Variants in CRMP1 observed in about 807,000 individuals in gnomAD.
CRMP1 encodes collapsin response mediator protein 1.
In CRMP1, 19 loss-of-function variants were observed where a neutral mutation model predicts 68.3. The observed-to-expected ratio is 0.28, with a 90% CI of 0.19 to 0.41. The LOEUF is 0.41. Among genes scored for constraint, CRMP1 ranks in the 10% least tolerant of loss-of-function variants. The pLI is 1.00. For synonymous variants in CRMP1, 439 were observed against 399.6 expected (o/e 1.10, Z -1.18); for missense variants, 791 against 967.4 (o/e 0.82, Z 2.42).
rs868711650 is a variant in CRMP1, at chr4:5,864,992, G to A, written c.470+1676C>T. ...GGCAGGGAGGGCTCAACTGTTCTGG[G>A]TATCCCTCTTCACTGGGTGATTTGC... On this transcript the variant is annotated intron_variant, in intron 2 of 13. Transcript: ENST00000324989. Among the ~76,000 whole-genome samples the A allele has an allele frequency of 4.6e-5, 7 of 151,944 alleles. No homozygotes were observed. In the South Asian group the frequency reaches 1.5e-3, roughly 32 times the overall value.
Position 5,889,571 on chromosome 4 carries a change from C to T in CRMP1, c.381+3018G>A, listed in dbSNP as rs2152477677. 3.9e-6 allele frequency: 6 copies of T among 1,535,782 alleles called. No individual in the cohort carries two copies. The highest frequency in any genetic ancestry group is 5.2e-6 in the Non-Finnish European group (6 of 1,146,584). ...GAGGAAAAGGGGGAGCCCCAGCAAG[C>T]CCCAACCTCACTGGACAGGTGCCCC... is the stretch of plus-strand genomic sequence containing the variant. On this transcript the variant is annotated intron_variant, in intron 1 of 13. Coordinates refer to ENST00000324989, the MANE Select transcript of CRMP1 (RefSeq NM_001014809.3). The surrounding 1 kb of genome is among the most constrained non-coding windows in gnomAD (Gnocchi z 4.5).
rs949993947 is a variant in CRMP1, at chr4:5,883,976, C to T, written c.381+8613G>A. Among the ~76,000 whole-genome samples, 1 of 152,148 alleles carries T rather than the reference C, an allele frequency of 6.6e-6. No homozygotes were observed. Among genetic ancestry groups the T allele is most frequent in the African/African-American group, 2.4e-5 (1 of 41,434 alleles). ...AATAATGTTTTCCCTAAAAATGGTC[C>T]ACTTCTTCCTCTCTGATCATGACCT... On this transcript the variant is annotated intron_variant, in intron 1 of 13. Transcript: ENST00000324989. This position sits in a 1 kb window ranked among gnomAD's most constrained non-coding sequence, Gnocchi z 4.5.
At chr4:5,829,364 G>A (rs981979401) in intron 11 of CRMP1, among the ~76,000 whole-genome samples, 4 of 152,160 alleles carry the variant, frequency 2.6e-5, no homozygotes, top group African/African-American at 7.2e-5. Context: ...ACTCCAGCCT[G>A]GGGGACAGAG....
In CRMP1 at chr4:5,866,697, A is replaced by C. The variant is rs765010683; in HGVS notation, c.441T>G (p.Ala147=). ...TAAGTCCATCCTCCAGGTAGACGTC[A>C]GCATAAAGGGATTGGTCATCGTTGA... ...RIINDDQSLY[A]DVYLEDGLIK... is the part of the protein sequence containing the mutation. Residue 147 remains alanine (A), a synonymous_variant, in exon 2 of 14, where the codon GCT becomes GCG. Transcript: ENST00000324989. This position sits in a 1 kb window ranked among gnomAD's most constrained non-coding sequence, Gnocchi z 5.9. 4.3e-5 allele frequency: 69 copies of C among 1,613,014 alleles called. No individual in the cohort carries two copies. Among genetic ancestry groups the C allele is most frequent in the Non-Finnish European group, 5.8e-5 (68 of 1,179,898 alleles).
At position 5,854,909 on chromosome 4, in the gene CRMP1, T is replaced by G. The variant is rs1027504718; in HGVS notation, c.820+1234A>C. ...CACTTCTGGAAATCTAAAGAAAAATTAGAAATGCAAACAAATGTTTATATA... is the reference window on the plus strand; with the variant it reads ...CACTTCTGGAAATCTAAAGAAAAATGAGAAATGCAAACAAATGTTTATATA... On this transcript the variant is annotated intron_variant, in intron 4 of 13. Transcript: ENST00000324989. This position sits in a 1 kb window ranked among gnomAD's most constrained non-coding sequence, Gnocchi z 4.0. 3.3e-5 allele frequency among the ~76,000 whole-genome samples: 5 copies of G among 152,090 alleles called. No homozygotes were observed. The highest frequency in any genetic ancestry group is 7.2e-5 in the African/African-American group (3 of 41,416).
intron 6 of CRMP1, among the ~76,000 whole-genome samples, chr4:5,844,090 A>G (rs1373192204): frequency 2.0e-5 from 3 of 152,320 alleles, no homozygotes; most frequent in Middle Eastern, 3.4e-3. Context: ...CTCATCACCC[A>G]TGAAAAGAAA....
chr4:5,864,716 C>T (rs1713858338), intron 2 of CRMP1, among the ~76,000 whole-genome samples: 1 of 152,028 alleles, frequency 6.6e-6, no homozygotes, highest in Non-Finnish European at 1.5e-5. Flanking sequence ...GAGGAGGAGT[C>T]GCATGAGCAG....
At position 5,825,303 on chromosome 4, in the gene CRMP1, C is replaced by A. The variant is rs760711478; in HGVS notation, c.1969+191G>T. The A allele has an allele frequency of 4.1e-6, 4 of 985,158 alleles. No homozygotes were observed. Among genetic ancestry groups the A allele is most frequent in the Non-Finnish European group, 4.8e-6 (4 of 829,878 alleles). 61.0% of individuals were successfully genotyped at this position (985,158 alleles called of 1,614,324 possible). A position where few individuals can be genotyped will look rare whatever the true frequency, so the allele number is the denominator to read the frequency against. ...ACCATGTTGCCCCCCTAACATGGAC[C>A]CCCCTCTGCTTGGTGACCATGCCAG... On this transcript the variant is annotated intron_variant, in intron 13 of 13. Transcript: ENST00000324989. The surrounding 1 kb of genome is among the most constrained non-coding windows in gnomAD (Gnocchi z 4.4).
chr4:5,836,475 G>A (rs529751662), intron 10 of CRMP1, among the ~76,000 whole-genome samples: 103 of 152,300 alleles, frequency 6.8e-4, no homozygotes, highest in Non-Finnish European at 1.1e-3. Flanking sequence ...CACACACAGC[G>A]TTACAGAGCC....
In CRMP1 at chr4:5,836,872, G is replaced by A. The variant is rs183322981; in HGVS notation, c.1345C>T (p.Pro449Ser). The A allele has an allele frequency of 5.6e-5, 91 of 1,613,682 alleles. No homozygotes were observed. The East Asian group carries it at 1.9e-3, about 34-fold the overall frequency. ...DLQVTGSGHCPYSTAQKAVGK... is the reference protein window; with the variant it reads ...DLQVTGSGHCSYSTAQKAVGK... ...ACCGCCTTCTGGGCAGTGCTGTAGG[G>A]ACAGTGGCCGCTGCCTGTGACCTGC... The change falls in exon 10 of 14, where the codon CCC becomes TCC. Residue 449 changes from proline to serine, a missense_variant. Coordinates refer to ENST00000324989, the MANE Select transcript of CRMP1 (RefSeq NM_001014809.3).
At position 5,856,044 on chromosome 4, in the gene CRMP1, G is replaced by C. The variant is rs1013073465; in HGVS notation, c.820+99C>G. 7.0e-6 allele frequency: 10 copies of C among 1,426,052 alleles called. No individual in the cohort carries two copies. The African/African-American group carries it at 9.8e-5, about 14-fold the overall frequency. 88.3% of individuals were successfully genotyped at this position (1,426,052 alleles called of 1,614,324 possible). ...AGAGTGCAGCTCATAATCAGGCTCAGAACAGATGCAGACAGGGGGATTTTT... is the reference window on the plus strand; with the variant it reads ...AGAGTGCAGCTCATAATCAGGCTCACAACAGATGCAGACAGGGGGATTTTT... On this transcript the variant is annotated intron_variant, in intron 4 of 13. Transcript: ENST00000324989.
intron 1 of CRMP1, chr4:5,887,956 G>T: frequency 3.5e-6 from 2 of 576,868 alleles, no homozygotes; most frequent in Non-Finnish European, 4.9e-6. Context: ...CCATCCTCTG[G>T]CACATCCCGT....
Position 5,867,463 on chromosome 4 carries a change from A to G in CRMP1, c.382-707T>C, listed in dbSNP as rs182045580. ...CTTAGAGACATTTAAAAAGATAGTGAAGAGACTAAAAAAAGAAAACCCCAT... is the reference window on the plus strand; with the variant it reads ...CTTAGAGACATTTAAAAAGATAGTGGAGAGACTAAAAAAAGAAAACCCCAT... On this transcript the variant is annotated intron_variant, in intron 1 of 13. Coordinates refer to ENST00000324989, the MANE Select transcript of CRMP1 (RefSeq NM_001014809.3). Among the ~76,000 whole-genome samples the G allele has an allele frequency of 6.6e-5, 10 of 152,342 alleles. No homozygotes were observed. The East Asian group carries it at 1.9e-3, about 29-fold the overall frequency.
At chr4:5,867,756 G>A (rs906485787) in intron 1 of CRMP1, among the ~76,000 whole-genome samples, 3 of 152,100 alleles carry the variant, frequency 2.0e-5, no homozygotes, top group African/African-American at 7.2e-5. Flanking sequence ...CCAACCAAAG[G>A]GGCTGCCAAC....
At chr4:5,874,389 C>G (rs1226334683) in intron 1 of CRMP1, among the ~76,000 whole-genome samples, 1 of 152,190 alleles carries the variant, frequency 6.6e-6, no homozygotes, top group Non-Finnish European at 1.5e-5. Flanking sequence ...TTGGCTTCCC[C>G]TACGGAGACT....
Position 5,849,374 on chromosome 4 carries a change from GAA to G in CRMP1, c.963+16_963+17del. The G allele has an allele frequency of 1.2e-6, 2 of 1,601,252 alleles. No homozygotes were observed. Among genetic ancestry groups the G allele is most frequent in the Non-Finnish European group, 1.7e-6 (2 of 1,168,696 alleles). ...GAATCAGACTGAGGTAGAAGGAGTG[GAA>G]ATTCTTGCCACTCACCTGAGCTATC... On this transcript the variant is annotated intron_variant, in intron 6 of 13. Coordinates refer to ENST00000324989, the MANE Select transcript of CRMP1 (RefSeq NM_001014809.3).
rs151207846 is a variant in CRMP1, at chr4:5,858,132, T to G, written c.656-1825A>C. ...TCCCTCCCTCCTTCCTTAAACTCGC[T>G]TCTCTCCAGCTTCCATGGCAACGCC... On this transcript the variant is annotated intron_variant, in intron 3 of 13. Coordinates refer to ENST00000324989, the MANE Select transcript of CRMP1 (RefSeq NM_001014809.3). The surrounding 1 kb of genome is among the most constrained non-coding windows in gnomAD (Gnocchi z 5.5). Among the ~76,000 whole-genome samples, 321 of 152,218 alleles carry G rather than the reference T, an allele frequency of 2.1e-3. No homozygotes were observed. The highest frequency in any genetic ancestry group is 7.3e-3 in the African/African-American group (302 of 41,534).
chr4:5,856,062 G>A, intron 4 of CRMP1, 81 bp downstream of exon 4: 2 of 1,528,566 alleles, frequency 1.3e-6, no homozygotes, highest in South Asian at 1.2e-5. Context: ...GCAGACAGGG[G>A]GATTTTTCAC....
intron 6 of CRMP1, among the ~76,000 whole-genome samples, chr4:5,847,901 C>A (rs935990049): frequency 2.6e-5 from 4 of 152,184 alleles, no homozygotes; most frequent in African/African-American, 9.7e-5. Context: ...ACTACCTTTA[C>A]TGGCTGCATC....
Sources: gnomAD v4.1 joint callset for allele counts (sites outside exome capture counted in the v4.1 genomes callset) on GRCh38, gnomAD v4.1.1 for gene constraint, Gnocchi (gnomAD v3.1) non-coding constraint, MANE v1.5 for transcripts, NCBI Gene and HGNC (gene_info 2026-07-23, HGNC 2026-07-21) for gene names.